NR1H4: variants seen among roughly 807,000 people sequenced by gnomAD.
NR1H4 encodes bile acid receptor.
Under a neutral mutation model 58.5 loss-of-function variants are expected in NR1H4, and 23 were observed. The observed-to-expected ratio is 0.39, with a 90% CI of 0.28 to 0.56. NR1H4 has a LOEUF of 0.56. NR1H4 is among the 20% of genes least tolerant of loss of function. The pLI is 0.58. For synonymous variants in NR1H4, 214 were observed against 198.0 expected (o/e 1.08, Z -0.68); for missense variants, 487 against 576.9 (o/e 0.84, Z 1.60).
At chr12:100,535,087 C>G in intron 6 of NR1H4, 64 bp downstream of exon 6, 1 of 1,594,320 alleles carries the variant, frequency 6.3e-7, no homozygotes, top group Non-Finnish European at 8.6e-7. Context: ...ACATAGTGAG[C>G]TGGCCAGGAG....
chr12:100,481,293 G>A lies in NR1H4; in HGVS notation c.-190+7234G>A, dbSNP rs186039853. On this transcript the variant is annotated intron_variant, in intron 1 of 10. Transcript: ENST00000392986. ...AAAAAAAAAATGACAAGTTAGTCAC[G>A]GAGAAAGCATTCAACAAATAGCTTC... is the stretch of plus-strand genomic sequence containing the variant. 1.6e-4 allele frequency among the ~76,000 whole-genome samples: 25 copies of A among 152,082 alleles called. No homozygotes were observed. The East Asian group carries it at 2.1e-3, about 13-fold the overall frequency.
At chr12:100,493,134 C>T (rs1390081251) in intron 2 of NR1H4, 136 bp from the exon 3 acceptor site, 1 of 586,644 alleles carries the variant, frequency 1.7e-6, no homozygotes, top group Non-Finnish European at 3.0e-6. Context: ...AAGATACATA[C>T]AGAAAGGCTA....
rs17030276 is a variant in NR1H4 at position 100,526,456 on chromosome 12, A to G, written c.446-6002A>G. 0.013 allele frequency among the ~76,000 whole-genome samples: 1,992 copies of G among 152,132 alleles called. 118 individuals carry two copies. In the East Asian group the frequency reaches 0.15, roughly 11 times the overall value. The stretch of plus-strand genomic sequence containing the variant: ...GTGTAACCTTTTAGAAACCTTTGTG[A>G]TGTAAGATATGTTATATTCCTATAT... On this transcript the variant is annotated intron_variant, in intron 4 of 10. Coordinates refer to ENST00000392986, the MANE Select transcript of NR1H4 (RefSeq NM_001206979.2).
At chr12:100,497,096 C>T (rs1315924915) in intron 3 of NR1H4, among the ~76,000 whole-genome samples, 1 of 151,978 alleles carries the variant, frequency 6.6e-6, no homozygotes, top group Non-Finnish European at 1.5e-5. Context: ...TGTCAAGATC[C>T]CTGGTGTGGG....
At chr12:100,499,420 T>G (rs894778694) in intron 3 of NR1H4, among the ~76,000 whole-genome samples, 8 of 152,262 alleles carry the variant, frequency 5.3e-5, no homozygotes, top group Non-Finnish European at 1.0e-4. Context: ...AAGCAGTCTC[T>G]AAGGCATTTA....
Position 100,564,306 on chromosome 12 carries a change from A to T in NR1H4, c.*817A>T, listed in dbSNP as rs1220287844. ...ACAGCTGGGAGCACAGCTGCTGTAT[A>T]CTTCCCCCAAAGCAGGAATTAGTTC... On this transcript the variant is annotated 3_prime_UTR_variant, in exon 11 of 11. Coordinates refer to ENST00000392986, the MANE Select transcript of NR1H4 (RefSeq NM_001206979.2). The T allele has an allele frequency of 1.3e-5, 2 of 152,176 alleles. No homozygotes were observed. Among genetic ancestry groups the T allele is most frequent in the East Asian group, 3.9e-4 (2 of 5,190 alleles). 9.4% of individuals were successfully genotyped at this position (152,176 alleles called of 1,614,324 possible). A position where few individuals can be genotyped will look rare whatever the true frequency, so the allele number is the denominator to read the frequency against.
intron 1 of NR1H4, among the ~76,000 whole-genome samples, chr12:100,482,862 G>C (rs1239625721): frequency 6.6e-6 from 1 of 152,148 alleles, no homozygotes; most frequent in Non-Finnish European, 1.5e-5. Context: ...AGGCACCATT[G>C]TGTAAGCTCC....
intron 3 of NR1H4, among the ~76,000 whole-genome samples, chr12:100,504,113 C>T (rs1454170588): frequency 3.3e-5 from 5 of 152,016 alleles, no homozygotes; most frequent in Non-Finnish European, 5.9e-5. Flanking sequence ...AGTAGTTTCA[C>T]AGCAGGTTTC....
Position 100,491,049 on chromosome 12 carries a change from C to T in NR1H4, c.-189-1454C>T, listed in dbSNP as rs138424845. On this transcript the variant is annotated intron_variant, in intron 1 of 10. Transcript: ENST00000392986. Reference sequence around the variant, plus strand: ...GGCTTGAGTGATTCTCCTGCCTTGGCCTTCCAAAGTGATGGGATTACAGGC... The same window carrying T: ...GGCTTGAGTGATTCTCCTGCCTTGGTCTTCCAAAGTGATGGGATTACAGGC... 4.4e-3 allele frequency among the ~76,000 whole-genome samples: 667 copies of T among 152,260 alleles called. 4 individuals carry two copies. The highest frequency in any genetic ancestry group is 0.014 in the African/African-American group (599 of 41,536).
intron 6 of NR1H4, among the ~76,000 whole-genome samples, chr12:100,536,116 A>C (rs1954806381): frequency 6.6e-6 from 1 of 152,170 alleles, no homozygotes. Flanking sequence ...GGTGGAATTC[A>C]TGTAGAATAG....
intron 1 of NR1H4, among the ~76,000 whole-genome samples, chr12:100,483,296 G>C (rs1448958128): frequency 6.6e-6 from 1 of 152,110 alleles, no homozygotes; most frequent in Admixed American, 6.5e-5. Flanking sequence ...AGGTTGATTA[G>C]TTTGAATATC....
intron 9 of NR1H4, among the ~76,000 whole-genome samples, chr12:100,559,140 T>C (rs546544982): frequency 2.1e-4 from 28 of 136,160 alleles, no homozygotes; most frequent in Admixed American, 1.2e-3. Context: ...TAGAAGGTTT[T>C]TGTAAGAAGT....
At chr12:100,556,487 A>G (rs1415813459) in intron 9 of NR1H4, among the ~76,000 whole-genome samples, 6 of 151,840 alleles carry the variant, frequency 4.0e-5, no homozygotes, top group Non-Finnish European at 8.8e-5. Context: ...AAAAACAAAA[A>G]ACAAAAAACA....
intron 4 of NR1H4, among the ~76,000 whole-genome samples, chr12:100,530,070 T>C (rs1054115023): frequency 6.6e-6 from 1 of 152,248 alleles, no homozygotes; most frequent in African/African-American, 2.4e-5. Context: ...TTATTCCAAC[T>C]AAGTATGCAA....
At chr12:100,478,677 C>T (rs183730474) in intron 1 of NR1H4, among the ~76,000 whole-genome samples, 1 of 152,264 alleles carries the variant, frequency 6.6e-6, no homozygotes, top group Non-Finnish European at 1.5e-5. Flanking sequence ...TTAGCCATTC[C>T]ACTGTTGATG....
At chr12:100,524,700 A>AC (rs1282597197) in intron 4 of NR1H4, among the ~76,000 whole-genome samples, 1 of 151,742 alleles carries the variant, frequency 6.6e-6, no homozygotes, top group African/African-American at 2.4e-5. Context: ...AAAAAGCCCC[A>AC]CTCCTACCCT....
At chr12:100,479,584 C>T (rs1391896848) in intron 1 of NR1H4, among the ~76,000 whole-genome samples, 1 of 152,214 alleles carries the variant, frequency 6.6e-6, no homozygotes, top group East Asian at 1.9e-4. Flanking sequence ...ATGCCTATTC[C>T]TTCAAGACTA....
At chr12:100,493,238 C>T in intron 2 of NR1H4, 32 bp from the exon 3 acceptor site, 1 of 746,948 alleles carries the variant, frequency 1.3e-6, no homozygotes, top group South Asian at 1.5e-5. Flanking sequence ...TCCCGCATTC[C>T]CACAGTCACA....
intron 9 of NR1H4, among the ~76,000 whole-genome samples, chr12:100,555,364 A>G (rs928776877): frequency 5.3e-5 from 8 of 152,350 alleles, no homozygotes; most frequent in African/African-American, 1.9e-4. Flanking sequence ...CCAAGAAAAT[A>G]GAGAACTTAG....
Sources: gnomAD v4.1 joint callset for allele counts (sites outside exome capture counted in the v4.1 genomes callset) on GRCh38, gnomAD v4.1.1 for gene constraint, MANE v1.5 for transcripts, NCBI Gene and HGNC (gene_info 2026-07-23, HGNC 2026-07-21) for gene names.